SPEF2: variants seen among roughly 807,000 people sequenced by gnomAD.
SPEF2 encodes the protein sperm flagellar and cilia associated 2.
Under a neutral mutation model 224.6 loss-of-function variants are expected in SPEF2, and 187 were observed. That is an observed-to-expected ratio of 0.83 (90% CI 0.74 to 0.94). The LOEUF is 0.94. Among genes scored for constraint, SPEF2 ranks in the 40% least tolerant of loss-of-function variants. The probability of loss-of-function intolerance (pLI) is 0.00; values close to 1 mark genes in which losing one functional copy is unlikely to be tolerated. For missense variants in SPEF2, 2,170 were observed against 2,135.6 expected, an observed-to-expected ratio of 1.02 and a Z score of -0.32; for synonymous variants, 715 against 707.3, an observed-to-expected ratio of 1.01 and a Z score of -0.17.
chr5:35,751,096 C>CACACAT (rs1554048857), intron 23 of SPEF2, among the ~76,000 whole-genome samples: 5,233 of 30,396 alleles, frequency 0.17, 1,220 homozygotes, highest in East Asian at 0.32. Flanking sequence ...CACACACACA[C>CACACAT]ATATATATAT....
intron 23 of SPEF2, among the ~76,000 whole-genome samples, chr5:35,749,167 A>T (rs773739222): frequency 2.0e-5 from 3 of 152,096 alleles, no homozygotes; most frequent in Non-Finnish European, 4.4e-5. Context: ...TATGATTAAA[A>T]CTCTCAGCAA....
intron 5 of SPEF2, among the ~76,000 whole-genome samples, chr5:35,647,552 C>A (rs1747561864): frequency 1.3e-5 from 2 of 152,104 alleles, no homozygotes; most frequent in Non-Finnish European, 2.9e-5. Context: ...TCAGTCTATT[C>A]ATGCATGATC....
chr5:35,719,776 C>T (rs1379613005), intron 20 of SPEF2, among the ~76,000 whole-genome samples: 1 of 152,096 alleles, frequency 6.6e-6, no homozygotes, highest in African/African-American at 2.4e-5. Context: ...CACATGCCAC[C>T]ACACCCAGCT....
chr5:35,747,403 G>T (rs1289060596), intron 23 of SPEF2, among the ~76,000 whole-genome samples: 1 of 152,278 alleles, frequency 6.6e-6, no homozygotes, highest in Admixed American at 6.5e-5. Context: ...CTGCAGAATG[G>T]ATAAGAACTC....
chr5:35,676,509 A>C, intron 10 of SPEF2, among the ~76,000 whole-genome samples: 1 of 152,154 alleles, frequency 6.6e-6, no homozygotes, highest in Non-Finnish European at 1.5e-5. Context: ...CAGGCAGATC[A>C]CTTGAGGTCA....
intron 29 of SPEF2, among the ~76,000 whole-genome samples, chr5:35,777,397 T>C (rs1753746074): frequency 5.3e-5 from 8 of 152,140 alleles, no homozygotes; most frequent in Non-Finnish European, 1.5e-5. Context: ...AAAATCATTT[T>C]GCTACTGGAT....
chr5:35,708,017 C>T (rs758578978), intron 18 of SPEF2, among the ~76,000 whole-genome samples: 7 of 152,086 alleles, frequency 4.6e-5, no homozygotes, highest in Middle Eastern at 3.2e-3. Flanking sequence ...ACCACTAGAA[C>T]GTAAGCTTCA....
At chr5:35,763,393 A>G in intron 25 of SPEF2, 129 bp from the exon 26 acceptor site, 1 of 875,558 alleles carries the variant, frequency 1.1e-6, no homozygotes, top group Non-Finnish European at 1.6e-6. Context: ...CATTAAAATA[A>G]TTCTTTCAGG....
chr5:35,789,200 G>A (rs1406401532), intron 30 of SPEF2: 1 of 702,950 alleles, frequency 1.4e-6, no homozygotes, highest in African/African-American at 1.7e-5. Flanking sequence ...GAAACCCAAA[G>A]AACTTCTGGA....
intron 10 of SPEF2, chr5:35,671,541 T>C: frequency 1.0e-6 from 1 of 981,390 alleles, no homozygotes; most frequent in East Asian, 1.1e-4. Context: ...GGTATTTCTT[T>C]CCATTGTAAA....
intron 14 of SPEF2, among the ~76,000 whole-genome samples, chr5:35,696,163 TC>T (rs1157860463): frequency 6.6e-6 from 1 of 152,220 alleles, no homozygotes. Context: ...TGTTGGTGAC[TC>T]TTCAGAATTT....
At chr5:35,649,473 C>A in intron 6 of SPEF2, 48 bp downstream of exon 6, 2 of 1,397,614 alleles carry the variant, frequency 1.4e-6, no homozygotes, top group Non-Finnish European at 2.0e-6. Context: ...TTCTGTTCTA[C>A]ACATAGCTTT....
intron 23 of SPEF2, among the ~76,000 whole-genome samples, chr5:35,743,562 A>T (rs551519146): frequency 3.3e-5 from 5 of 152,304 alleles, no homozygotes; most frequent in African/African-American, 9.6e-5. Context: ...AAGTTAAGTT[A>T]AAAAAATAAA....
chr5:35,680,904 C>T (rs1285988647), intron 10 of SPEF2, among the ~76,000 whole-genome samples: 3 of 152,122 alleles, frequency 2.0e-5, no homozygotes. Flanking sequence ...CAGACTTTTT[C>T]AATAACCTCT....
chr5:35,710,627 G>A (rs1402386675), intron 19 of SPEF2: 1 of 984,988 alleles, frequency 1.0e-6, no homozygotes, highest in Non-Finnish European at 1.2e-6. Flanking sequence ...TAGAATTATC[G>A]AATATCGTCC....
intron 7 of SPEF2, among the ~76,000 whole-genome samples, chr5:35,657,058 A>G (rs1461808739): frequency 6.6e-6 from 1 of 152,212 alleles, no homozygotes; most frequent in African/African-American, 2.4e-5. Context: ...TCCAGAGGAA[A>G]AATGGTATAT....
At chr5:35,766,267 A>G (rs1299810022) in intron 26 of SPEF2, among the ~76,000 whole-genome samples, 1 of 152,118 alleles carries the variant, frequency 6.6e-6, no homozygotes, top group Admixed American at 6.6e-5. Flanking sequence ...CTAAAGTTTT[A>G]TAGGAAGTTT....
chr5:35,793,084 A>G lies in SPEF2; in HGVS notation c.4555-75A>G, dbSNP rs1048252293. 5.1e-6 allele frequency: 7 copies of G among 1,359,260 alleles called. No homozygotes were observed. The African/African-American group carries it at 7.3e-5, about 14-fold the overall frequency. 84.2% of individuals were successfully genotyped at this position (1,359,260 alleles called of 1,614,324 possible). On this transcript the variant is annotated intron_variant, in intron 31 of 36. Coordinates refer to ENST00000356031, the MANE Select transcript of SPEF2 (RefSeq NM_024867.4). Reference sequence around the variant, plus strand: ...ACTTCTTTCATGGGAAACTCTCACTATGAAAATATGAGCAAGTAGAGCATC... The same window carrying G: ...ACTTCTTTCATGGGAAACTCTCACTGTGAAAATATGAGCAAGTAGAGCATC...
chr5:35,659,154 C>T lies in SPEF2; in HGVS notation c.1114C>T (p.Gln372Ter). ...GCAAAACAGAATTTTCAGAGAAAAACAACATGAGGAAAGACGACTTAAAGA... is the reference window on the plus strand; with the variant it reads ...GCAAAACAGAATTTTCAGAGAAAAATAACATGAGGAAAGACGACTTAAAGA... ...LWQNRIFREK[Q>*]HEERRLKDFQ... is the part of the protein sequence containing the mutation. Residue 372 changes from glutamine (Q) to a stop codon, truncating the protein, a stop_gained, in exon 8 of 37, where the codon CAA becomes TAA. Transcript: ENST00000356031. LOFTEE classifies it high-confidence loss of function. The T allele has an allele frequency of 6.2e-7, 1 of 1,612,722 alleles. No individual in the cohort carries two copies. Among genetic ancestry groups the T allele is most frequent in the Non-Finnish European group, 8.5e-7 (1 of 1,179,256 alleles).
Sources: gnomAD v4.1 joint callset for allele counts (sites outside exome capture counted in the v4.1 genomes callset) on GRCh38, gnomAD v4.1.1 for gene constraint, MANE v1.5 for transcripts, NCBI Gene and HGNC (gene_info 2026-07-23, HGNC 2026-07-21) for gene names.